The following MAP4 variants were observed in gnomAD, a reference collection of about 807,000 sequenced individuals.
The protein encoded by MAP4 is microtubule-associated protein 4.
MAP4 carries 76 observed loss-of-function variants against 170.2 expected under a neutral mutation model. That is an observed-to-expected ratio of 0.45 (90% CI 0.37 to 0.54). MAP4 has a LOEUF of 0.54. Among genes scored for constraint, MAP4 ranks in the 20% least tolerant of loss-of-function variants. MAP4 has a pLI of 0.00. For synonymous variants in MAP4, 909 were observed against 994.5 expected, an observed-to-expected ratio of 0.91 and a Z score of 1.62; for missense variants, 2,506 against 2,748.0, an observed-to-expected ratio of 0.91 and a Z score of 1.97.
intron 1 of MAP4, among the ~76,000 whole-genome samples, chr3:48,048,352 C>G (rs572739933): frequency 6.6e-6 from 1 of 151,946 alleles, no homozygotes; most frequent in South Asian, 2.1e-4. Context: ...TGCTGTGCCT[C>G]CTAACCACAC....
rs182774959 is a variant in MAP4, at chr3:47,910,973, C to A, written c.3448G>T (p.Val1150Leu). 13 of 1,536,160 alleles carry A rather than the reference C, an allele frequency of 8.5e-6. 1 individual carries two copies. The highest frequency in any genetic ancestry group is 9.6e-6 in the Non-Finnish European group (11 of 1,146,916). The change falls in exon 9 of 21, where the codon GTG becomes TTG. Residue 1150 changes from valine to leucine, a missense_variant. Val to Leu is a conservative substitution (Grantham distance 32). Coordinates refer to ENST00000683076, the MANE Select transcript of MAP4 (RefSeq NM_001385682.1). ...GEPKEMTQPK[V>L]AGTMQALIPL... Reference sequence around the variant, plus strand: ...ATCAATGCCTGCATGGTGCCTGCCACCTTAGGCTGAGTCATCTCTTTAGGC... The same window carrying A: ...ATCAATGCCTGCATGGTGCCTGCCAACTTAGGCTGAGTCATCTCTTTAGGC...
At chr3:48,083,840 T>C (rs1190746545) in intron 1 of MAP4, among the ~76,000 whole-genome samples, 3 of 148,722 alleles carry the variant, frequency 2.0e-5, no homozygotes, top group South Asian at 2.1e-4. Context: ...GATTCTCCTG[T>C]CTCAGCCTCG....
chr3:47,911,595 G>A lies in MAP4; in HGVS notation c.2826C>T (p.Ile942=). 1.3e-6 allele frequency: 2 copies of A among 1,536,078 alleles called. No homozygotes were observed. Among genetic ancestry groups the A allele is most frequent in the Non-Finnish European group, 1.7e-6 (2 of 1,146,896 alleles). ...AAGGAGAGCAACCCTCTTTAAGTCT[G>A]ATATCCAAAGGGGTTTCTACATTGT... is the stretch of plus-strand genomic sequence containing the variant. ...SAYNVETPLD[I]RLKEGCSPFL... The change falls in exon 9 of 21, where the codon ATC becomes ATT. Residue 942 remains isoleucine (I), a synonymous_variant. Transcript: ENST00000683076. The surrounding 1 kb of genome is among the most constrained non-coding windows in gnomAD (Gnocchi z 4.0).
rs369138183 is a variant in MAP4 at position 47,867,486 on chromosome 3, G to A, written c.6409-148C>T. On this transcript the variant is annotated intron_variant, in intron 16 of 20. Coordinates refer to ENST00000683076, the MANE Select transcript of MAP4 (RefSeq NM_001385682.1). The stretch of plus-strand genomic sequence containing the variant: ...CCCCCACCTTCTACAGAACAGATGT[G>A]GAAAAGCACAGGAAAAGAAATGTGA... The A allele has an allele frequency of 6.1e-6, 4 of 654,704 alleles. 1 individual carries two copies. Among genetic ancestry groups the A allele is most frequent in the South Asian group, 3.6e-5 (2 of 56,084 alleles). 40.6% of individuals were successfully genotyped at this position (654,704 alleles called of 1,614,324 possible).
intron 10 of MAP4, among the ~76,000 whole-genome samples, chr3:47,894,949 C>G (rs1366965934): frequency 6.6e-6 from 1 of 151,332 alleles, no homozygotes; most frequent in Non-Finnish European, 1.5e-5. Flanking sequence ...TTGCCTGAGC[C>G]CAGTAAGTCA....
rs1241037803 is a variant in MAP4, at chr3:47,983,496, C to CA, written c.224-5564dup. On this transcript the variant is annotated intron_variant, in intron 2 of 20. Transcript: ENST00000683076. Reference sequence around the variant, plus strand: ...CTGCCTCCCAGGTTCAAGCGATTCTCATGCCTCAGCCTCCTGAGTAGCTGG... The same window carrying CA: ...CTGCCTCCCAGGTTCAAGCGATTCTCAATGCCTCAGCCTCCTGAGTAGCTGG... Among the ~76,000 whole-genome samples the CA allele has an allele frequency of 2.0e-5, 3 of 152,208 alleles. No individual in the cohort carries two copies. The South Asian group carries it at 6.2e-4, about 32-fold the overall frequency.
intron 10 of MAP4, among the ~76,000 whole-genome samples, chr3:47,902,430 C>T (rs2100030550): frequency 1.3e-5 from 2 of 152,172 alleles, no homozygotes; most frequent in East Asian, 3.9e-4. Context: ...AGTCCCAGCA[C>T]TTTGGGAGAC....
At chr3:47,889,593 C>T (rs931776172) in intron 10 of MAP4, among the ~76,000 whole-genome samples, 1 of 152,180 alleles carries the variant, frequency 6.6e-6, no homozygotes, top group Non-Finnish European at 1.5e-5. Context: ...GTGAATGGAT[C>T]GGTGGATTTG....
chr3:47,947,786 G>C (rs558163552), intron 3 of MAP4, among the ~76,000 whole-genome samples: 1 of 147,260 alleles, frequency 6.8e-6, no homozygotes, highest in African/African-American at 2.5e-5. Context: ...ACTCCAGCCT[G>C]GGCGACAGAG....
intron 1 of MAP4, among the ~76,000 whole-genome samples, chr3:48,000,833 G>A (rs1220020137): frequency 2.0e-5 from 3 of 152,210 alleles, no homozygotes; most frequent in South Asian, 2.1e-4. Context: ...GTTATCCACC[G>A]TCTACCTCTC....
chr3:48,069,929 T>G (rs1051409118), intron 1 of MAP4, among the ~76,000 whole-genome samples: 10 of 152,310 alleles, frequency 6.6e-5, no homozygotes, highest in Admixed American at 6.5e-4. Flanking sequence ...ATTAAAAGTG[T>G]GAGATTATCC....
chr3:47,943,634 C>T (rs1044857911), intron 3 of MAP4, among the ~76,000 whole-genome samples: 11 of 151,788 alleles, frequency 7.2e-5, no homozygotes, highest in African/African-American at 2.4e-5. Context: ...AGGCTTCAAA[C>T]CCATCTCAAT....
chr3:47,870,497 C>T (rs1223270418), intron 15 of MAP4, among the ~76,000 whole-genome samples: 1 of 152,178 alleles, frequency 6.6e-6, no homozygotes, highest in East Asian at 1.9e-4. Flanking sequence ...CTCTCACTTG[C>T]AGAGTCTCTG....
In MAP4 at chr3:47,915,765, G is replaced by A. The variant is rs758248891; in HGVS notation, c.1876+186C>T. ...GGACAATCAGCAGAGAATGAACATA[G>A]AAAAGGTGTTGGAGGTGGGAGGAGG... On this transcript the variant is annotated intron_variant, in intron 7 of 20. Transcript: ENST00000683076. Among the ~76,000 whole-genome samples, 122 of 152,194 alleles carry A rather than the reference G, an allele frequency of 8.0e-4. 3 individuals are homozygous for A. Among genetic ancestry groups the A allele is most frequent in the Admixed American group, 5.2e-4 (8 of 15,284 alleles).
Position 47,910,711 on chromosome 3 carries a change from T to C in MAP4, c.3710A>G (p.Glu1237Gly). ...CCCTTCAAAAGGTGGGTTAAGGATTTCTTCCTTCCTCTCCATTCTAGCAGG... is the reference window on the plus strand; with the variant it reads ...CCCTTCAAAAGGTGGGTTAAGGATTCCTTCCTTCCTCTCCATTCTAGCAGG... The part of the protein sequence containing the change: ...TQPARMERKE[E>G]ILNPPFEGKD... The change falls in exon 9 of 21, where the codon GAA (glutamate) becomes GGA (glycine). Residue 1237 changes from glutamate (E) to glycine (G), a missense_variant. By Grantham distance (98) the Glu-to-Gly change is moderately conservative. This residue lies in a region of MAP4 where 2,008 missense variants were observed against 2,206.0 expected (regional missense o/e 0.91). Transcript: ENST00000683076. The C allele has an allele frequency of 6.5e-7, 1 of 1,536,112 alleles. No individual in the cohort carries two copies. Among genetic ancestry groups the C allele is most frequent in the South Asian group, 1.2e-5 (1 of 84,064 alleles).
In MAP4 at chr3:47,871,064, T is replaced by C. The variant is rs2091958104; in HGVS notation, c.6043A>G (p.Lys2015Glu). The C allele has an allele frequency of 6.2e-7, 1 of 1,611,414 alleles. No homozygotes were observed. Among genetic ancestry groups the C allele is most frequent in the Admixed American group, 1.7e-5 (1 of 59,854 alleles). ...RPKSTSTSSM[K>E]KTTTLSGTAP... Reference sequence around the variant, plus strand: ...GTCCCACTGAGAGTGGTGGTTTTCTTCATGGAACTGGTGGAGGTGCTCTTT... The same window carrying C: ...GTCCCACTGAGAGTGGTGGTTTTCTCCATGGAACTGGTGGAGGTGCTCTTT... Residue 2015 changes from lysine (K) to glutamate (E), a missense_variant, in exon 15 of 21, where the codon AAG becomes GAG. Lys to Glu is a moderately conservative substitution (Grantham distance 56). Coordinates refer to ENST00000683076, the MANE Select transcript of MAP4 (RefSeq NM_001385682.1).
At chr3:48,015,483 C>T (rs2100107332) in intron 1 of MAP4, among the ~76,000 whole-genome samples, 1 of 152,136 alleles carries the variant, frequency 6.6e-6, no homozygotes, top group South Asian at 2.1e-4. Context: ...AGGAACCCCA[C>T]GTCGCCAGTG....
chr3:47,957,173 T>C (rs969853136), intron 3 of MAP4, among the ~76,000 whole-genome samples: 1 of 152,272 alleles, frequency 6.6e-6, no homozygotes, highest in Non-Finnish European at 1.5e-5. Context: ...GTGTTGCGGC[T>C]GCTTCTTTTT....
chr3:47,969,859 CAAAA>C (rs1191663864), intron 3 of MAP4, among the ~76,000 whole-genome samples: 1 of 101,590 alleles, frequency 9.8e-6, no homozygotes, highest in Non-Finnish European at 2.1e-5. Context: ...GACTCTGTCT[CAAAA>C]AAAAAAAAAA....
Sources: gnomAD v4.1 joint callset for allele counts (sites outside exome capture counted in the v4.1 genomes callset) on GRCh38, gnomAD v4.1.1 for gene constraint, gnomAD v4.1.1 regional missense constraint, Gnocchi (gnomAD v3.1) non-coding constraint, MANE v1.5 for transcripts, NCBI Gene and HGNC (gene_info 2026-07-23, HGNC 2026-07-21) for gene names.